The following SLC25A18 variants were observed in gnomAD, a reference collection of about 807,000 sequenced individuals.
The protein encoded by SLC25A18 is mitochondrial glutamate carrier 2.
A neutral mutation model predicts 31.1 loss-of-function variants in SLC25A18; 24 were observed. The observed-to-expected ratio is 0.77, with a 90% confidence interval of 0.56 to 1.08. SLC25A18 has a LOEUF of 1.08. Ranked by LOEUF, SLC25A18 falls within the 50% of genes least tolerant of loss-of-function variation. The pLI, the probability that SLC25A18 is intolerant of heterozygous loss-of-function variation, is 0.00. For synonymous variants in SLC25A18, 173 were observed against 161.9 expected, an observed-to-expected ratio of 1.07 and a Z score of -0.52; for missense variants, 371 against 418.5, an observed-to-expected ratio of 0.89 and a Z score of 0.99.
intron 1 of SLC25A18, among the ~76,000 whole-genome samples, chr22:17,568,612 A>T (rs932898388): frequency 3.7e-5 from 4 of 107,902 alleles, no homozygotes; most frequent in Admixed American, 1.5e-4. Context: ...CCCAGGCTGG[A>T]GTGCAGTGGT....
chr22:17,590,724 A>C lies in SLC25A18; in HGVS notation c.*488A>C, dbSNP rs2057691117. 6.5e-6 allele frequency: 1 copy of C among 153,744 alleles called. No homozygotes were observed. The allele number at this position is 153,744 out of a possible 1,614,324, so 9.5% of individuals were successfully genotyped here. On this transcript the variant is annotated 3_prime_UTR_variant, in exon 11 of 11. Coordinates refer to ENST00000327451, the MANE Select transcript of SLC25A18 (RefSeq NM_031481.3). ...AGGGACCGTGAAAGCCCTCAGAGTC[A>C]GCACCTAGTTTGAGACCAAGCACCC...
At chr22:17,572,363 T>C (rs1256397114) in intron 2 of SLC25A18, among the ~76,000 whole-genome samples, 3 of 151,032 alleles carry the variant, frequency 2.0e-5, no homozygotes, top group Non-Finnish European at 4.4e-5. Flanking sequence ...CGCATGCCTG[T>C]AATCTCAGCT....
chr22:17,586,077 T>C (rs1321581157), intron 7 of SLC25A18, among the ~76,000 whole-genome samples: 1 of 152,214 alleles, frequency 6.6e-6, no homozygotes, highest in Non-Finnish European at 1.5e-5. Flanking sequence ...GGGAAGGACC[T>C]GCTCACCTTA....
At chr22:17,566,852 A>G (rs2056950532) in intron 1 of SLC25A18, among the ~76,000 whole-genome samples, 3 of 152,110 alleles carry the variant, frequency 2.0e-5, no homozygotes, top group Admixed American at 2.0e-4. Context: ...ATTGCCCACC[A>G]GAAAAGGTGG....
At chr22:17,577,923 G>A (rs186870457) in intron 2 of SLC25A18, among the ~76,000 whole-genome samples, 18 of 149,716 alleles carry the variant, frequency 1.2e-4, no homozygotes, top group African/African-American at 3.9e-4. Flanking sequence ...GTGATCTGCC[G>A]TCCTCAGCCT....
rs1277611376 is a variant in SLC25A18, at chr22:17,579,909, G to A, written c.-36G>A. On this transcript the variant is annotated 5_prime_UTR_variant, in exon 3 of 11. Coordinates refer to ENST00000327451, the MANE Select transcript of SLC25A18 (RefSeq NM_031481.3). The stretch of plus-strand genomic sequence containing the variant: ...CAACAGCGGCTACCCCAAGGAGCCA[G>A]CAGCCTTGTGTCCTGGGATCCCCAG... 8.7e-6 allele frequency: 14 copies of A among 1,604,312 alleles called. No individual in the cohort carries two copies. Among genetic ancestry groups the A allele is most frequent in the Non-Finnish European group, 1.0e-5 (12 of 1,176,120 alleles).
At chr22:17,585,650 ATTTTTTTTT>A (rs143835144) in intron 7 of SLC25A18, among the ~76,000 whole-genome samples, 3 of 137,224 alleles carry the variant, frequency 2.2e-5, no homozygotes, top group Admixed American at 7.2e-5. Context: ...TATTATTATT[ATTTTTTTTT>A]TTTTTTTGAG....
intron 10 of SLC25A18, among the ~76,000 whole-genome samples, chr22:17,589,878 A>G (rs2057669595): frequency 6.6e-6 from 1 of 152,206 alleles, no homozygotes; most frequent in Non-Finnish European, 1.5e-5. Context: ...GATTCTAGCC[A>G]CATCAAGCCT....
At chr22:17,575,315 G>A (rs9306195) in intron 2 of SLC25A18, among the ~76,000 whole-genome samples, 11,317 of 152,182 alleles carry the variant, frequency 0.074, 829 homozygotes, top group African/African-American at 0.2. Context: ...CCAAGTTACA[G>A]AACTCTACTA....
rs772677625 is a variant in SLC25A18, at chr22:17,590,189, G to T, written c.901G>T (p.Val301Phe). The change falls in exon 11 of 11, where the codon GTC (valine) becomes TTC (phenylalanine). Residue 301 changes from valine to phenylalanine, a missense_variant. By Grantham distance (50) the Val-to-Phe change is conservative (BLOSUM62 -1). Transcript: ENST00000327451. The part of the protein sequence containing the change: ...IAPLFGIAQG[V>F]YFIGIGERIL... ...ACCTCTCTTTGGGATTGCTCAAGGG[G>T]TCTATTTTATTGGGATTGGAGAGCG... 1 of 1,614,250 alleles carries T rather than the reference G, an allele frequency of 6.2e-7. No individual in the cohort carries two copies.
intron 2 of SLC25A18, among the ~76,000 whole-genome samples, chr22:17,574,234 C>A (rs1340177771): frequency 6.6e-6 from 1 of 152,058 alleles, no homozygotes; most frequent in African/African-American, 2.4e-5. Flanking sequence ...ATCTTGTCCC[C>A]TGAAAAAAAG....
chr22:17,581,645 C>A, intron 5 of SLC25A18: 1 of 551,098 alleles, frequency 1.8e-6, no homozygotes, highest in Non-Finnish European at 3.2e-6. Flanking sequence ...GCAGGCGAGC[C>A]CTCCCTACCT....
At chr22:17,584,017 G>T (rs1047000128) in intron 7 of SLC25A18, 1 of 974,766 alleles carries the variant, frequency 1.0e-6, no homozygotes, top group Admixed American at 6.2e-5. Flanking sequence ...TAGCAGAAAT[G>T]AGAATGTTGA....
chr22:17,581,405 T>G lies in SLC25A18; in HGVS notation c.191T>G (p.Met64Arg). The part of the protein sequence containing the change: ...KTARAEGFFG[M>R]YRGAAVNLTL... ...GCTCGGGCGGAGGGCTTCTTCGGCATGTACCGAGGTGGGCTTCTCAGGTCC... is the reference window on the plus strand; with the variant it reads ...GCTCGGGCGGAGGGCTTCTTCGGCAGGTACCGAGGTGGGCTTCTCAGGTCC... Residue 64 changes from methionine (M) to arginine (R), a missense_variant, in exon 5 of 11, where the codon ATG (methionine) becomes AGG (arginine). Physicochemically the swap from Met to Arg is moderately conservative, Grantham distance 91. Transcript: ENST00000327451. 3 of 1,614,052 alleles carry G rather than the reference T, an allele frequency of 1.9e-6. No individual in the cohort carries two copies. The highest frequency in any genetic ancestry group is 2.5e-6 in the Non-Finnish European group (3 of 1,179,988).
In SLC25A18 at chr22:17,581,074, C is replaced by T; in HGVS notation, c.58C>T (p.Leu20Phe). The change falls in exon 4 of 11, where the codon CTC (leucine) becomes TTC (phenylalanine). Residue 20 changes from leucine to phenylalanine, a missense_variant. Leu to Phe is a conservative substitution (Grantham distance 22). Coordinates refer to ENST00000327451, the MANE Select transcript of SLC25A18 (RefSeq NM_031481.3). ...ACTCATCAATGGAGGTGTAGCAGGG[C>T]TCGTGGGGGTGACCTGCGTGTTCCC... Reference protein sequence around the residue: ...AKLINGGVAGLVGVTCVFPID... With the variant: ...AKLINGGVAGFVGVTCVFPID... 1.3e-6 allele frequency: 2 copies of T among 1,559,550 alleles called. No homozygotes were observed. Among genetic ancestry groups the T allele is most frequent in the Non-Finnish European group, 8.7e-7 (1 of 1,150,788 alleles).
chr22:17,566,059 C>T (rs2056929250), intron 1 of SLC25A18, among the ~76,000 whole-genome samples: 1 of 152,178 alleles, frequency 6.6e-6, no homozygotes, highest in African/African-American at 2.4e-5. Flanking sequence ...TTTACATTCT[C>T]ACCAGCAAGG....
intron 5 of SLC25A18, 84 bp downstream of exon 5, chr22:17,581,497 C>G: frequency 2.0e-6 from 3 of 1,494,724 alleles, no homozygotes; most frequent in Non-Finnish European, 1.9e-6. Flanking sequence ...TCCGTTGCTG[C>G]GGGGATGGGG....
intron 7 of SLC25A18, among the ~76,000 whole-genome samples, chr22:17,585,650 A>T (rs60263576): frequency 0.056 from 7,620 of 137,006 alleles, 376 homozygotes; most frequent in African/African-American, 0.12. Context: ...TATTATTATT[A>T]TTTTTTTTTT....
chr22:17,589,771 T>C (rs1386294801), intron 10 of SLC25A18, 106 bp downstream of exon 10: 2 of 1,081,208 alleles, frequency 1.8e-6, no homozygotes, highest in African/African-American at 3.2e-5. Context: ...GCTCTGGGTT[T>C]CTTTGAAGTC....
Sources: allele counts gnomAD v4.1 joint callset (sites outside exome capture counted in the v4.1 genomes callset), GRCh38; gene constraint gnomAD v4.1.1; transcripts MANE v1.5; gene names NCBI Gene and HGNC (gene_info 2026-07-23, HGNC 2026-07-21).